NRXN1: variants seen among roughly 807,000 people sequenced by gnomAD.
The protein encoded by NRXN1 is neurexin 1.
NRXN1 carries 39 observed loss-of-function variants against 150.9 expected under a neutral mutation model. That is an observed-to-expected ratio of 0.26 (90% CI 0.20 to 0.34). The LOEUF is 0.34. Ranked by LOEUF, NRXN1 falls within the 10% of genes least tolerant of loss-of-function variation. The pLI is 1.00. For missense variants in NRXN1, 1,815 were observed against 1,949.9 expected (o/e 0.93, Z 1.30); for synonymous variants, 924 against 757.0 (o/e 1.22, Z -3.62).
intron 8 of NRXN1, among the ~76,000 whole-genome samples, chr2:50,613,710 G>A (rs1678563359): frequency 6.6e-6 from 1 of 152,186 alleles, no homozygotes; most frequent in Non-Finnish European, 1.5e-5. Flanking sequence ...AGGCCCAGGT[G>A]GGTGGATCAC....
intron 17 of NRXN1, among the ~76,000 whole-genome samples, chr2:50,372,456 C>A (rs1041299939): frequency 1.3e-5 from 2 of 152,016 alleles, no homozygotes; most frequent in African/African-American, 2.4e-5. Context: ...CTTTAATAGT[C>A]ATGAGGTTCA....
intron 5 of NRXN1, among the ~76,000 whole-genome samples, chr2:50,665,474 G>C (rs1335146666): frequency 6.6e-6 from 1 of 151,470 alleles, no homozygotes; most frequent in Admixed American, 6.6e-5. Context: ...ATAATCTGCC[G>C]AATCAAATAA....
chr2:50,435,316 C>CA lies in NRXN1; in HGVS notation c.3364+30125dup, dbSNP rs1232721688. Among the ~76,000 whole-genome samples the CA allele has an allele frequency of 6.6e-5, 10 of 152,210 alleles. 1 individual carries two copies. The highest frequency in any genetic ancestry group is 2.4e-4 in the African/African-American group (10 of 41,544). ...TTCATTTATAATGAATAAATGTAAA[C>CA]ATGTATGTGAATACATTATGCAAAC... On this transcript the variant is annotated intron_variant, in intron 17 of 22. Coordinates refer to ENST00000401669, the MANE Select transcript of NRXN1 (RefSeq NM_001330078.2).
At position 50,662,429 on chromosome 2, in the gene NRXN1, C is replaced by T. The variant is rs529759075; in HGVS notation, c.833-38814G>A. Among the ~76,000 whole-genome samples the T allele has an allele frequency of 2.0e-5, 3 of 152,100 alleles. No homozygotes were observed. The South Asian group carries it at 6.2e-4, about 32-fold the overall frequency. Reference sequence around the variant, plus strand: ...ATGATGGTATTGTCCAAAAACAATTCCTACAAAACCTATTTCTTCTCTAAT... The same window carrying T: ...ATGATGGTATTGTCCAAAAACAATTTCTACAAAACCTATTTCTTCTCTAAT... On this transcript the variant is annotated intron_variant, in intron 5 of 22. Coordinates refer to ENST00000401669, the MANE Select transcript of NRXN1 (RefSeq NM_001330078.2).
At chr2:50,068,483 C>A (rs1447253316) in intron 19 of NRXN1, among the ~76,000 whole-genome samples, 4 of 151,976 alleles carry the variant, frequency 2.6e-5, no homozygotes, top group East Asian at 1.9e-4. Flanking sequence ...GAAAGAGAAC[C>A]CTTGATGGTT....
chr2:50,933,114 G>C (rs940767088), intron 2 of NRXN1, among the ~76,000 whole-genome samples: 3 of 151,956 alleles, frequency 2.0e-5, no homozygotes, highest in Non-Finnish European at 4.4e-5. Context: ...TTAGGTCCAG[G>C]TTTATAAATG....
At chr2:50,441,922 GAT>G (rs1296237032) in intron 17 of NRXN1, among the ~76,000 whole-genome samples, 1 of 152,174 alleles carries the variant, frequency 6.6e-6, no homozygotes, top group African/African-American at 2.4e-5. Flanking sequence ...ATCATGGGAT[GAT>G]ATGATAAACC....
intron 17 of NRXN1, among the ~76,000 whole-genome samples, chr2:50,413,903 T>C (rs533779977): frequency 1.3e-5 from 2 of 152,120 alleles, no homozygotes; most frequent in South Asian, 4.2e-4. Flanking sequence ...CTGGGCATTA[T>C]TATGTTAAGT....
intron 21 of NRXN1, among the ~76,000 whole-genome samples, chr2:49,987,248 A>C (rs1169822120): frequency 6.6e-6 from 1 of 152,074 alleles, no homozygotes; most frequent in Non-Finnish European, 1.5e-5. Flanking sequence ...TAGCTCCCAC[A>C]TATGAGTGAG....
chr2:49,942,417 C>T (rs1371635332), intron 22 of NRXN1, among the ~76,000 whole-genome samples: 4 of 152,014 alleles, frequency 2.6e-5, no homozygotes, highest in African/African-American at 7.2e-5. Flanking sequence ...ACATACATCC[C>T]GATTTGCTCT....
intron 19 of NRXN1, among the ~76,000 whole-genome samples, chr2:50,066,196 T>C (rs918060360): frequency 1.3e-5 from 2 of 152,182 alleles, no homozygotes; most frequent in Admixed American, 6.5e-5. Context: ...AGTCAATATA[T>C]AAGCAGTGCC....
chr2:50,138,965 C>A (rs1345050176), intron 18 of NRXN1, among the ~76,000 whole-genome samples: 1 of 152,134 alleles, frequency 6.6e-6, no homozygotes. Flanking sequence ...TTGAGAGGTG[C>A]AGATAAAAGG....
At chr2:50,990,959 G>C (rs1275790390) in intron 2 of NRXN1, among the ~76,000 whole-genome samples, 1 of 152,028 alleles carries the variant, frequency 6.6e-6, no homozygotes, top group Non-Finnish European at 1.5e-5. Flanking sequence ...CTGGGCCTAT[G>C]TTCTGGATCT....
In NRXN1 at chr2:50,614,315, C is replaced by T. The variant is rs1239543948; in HGVS notation, c.1320+5707G>A. Among the ~76,000 whole-genome samples, 9 of 152,132 alleles carry T rather than the reference C, an allele frequency of 5.9e-5. No individual in the cohort carries two copies. In the East Asian group the frequency reaches 1.7e-3, roughly 29 times the overall value. ...CATCTGGCATGATTTCCAGACATCA[C>T]TGAAGATCTCTTTTTCCTCCAAGTT... On this transcript the variant is annotated intron_variant, in intron 8 of 22. Coordinates refer to ENST00000401669, the MANE Select transcript of NRXN1 (RefSeq NM_001330078.2).
At chr2:50,240,430 T>C (rs1199972416) in intron 17 of NRXN1, among the ~76,000 whole-genome samples, 3 of 151,748 alleles carry the variant, frequency 2.0e-5, no homozygotes, top group Non-Finnish European at 4.4e-5. Flanking sequence ...CTGGATTTTT[T>C]TTAAAAAATT....
At chr2:50,408,433 A>G (rs1259719277) in intron 17 of NRXN1, among the ~76,000 whole-genome samples, 1 of 152,206 alleles carries the variant, frequency 6.6e-6, no homozygotes, top group African/African-American at 2.4e-5. Context: ...TGTTTTCCCA[A>G]GGCTGCATGA....
chr2:50,899,607 A>C (rs1259213577), intron 5 of NRXN1, among the ~76,000 whole-genome samples: 1 of 152,196 alleles, frequency 6.6e-6, no homozygotes, highest in Non-Finnish European at 1.5e-5. Flanking sequence ...AGATTATGTC[A>C]AAGCCTTCCT....
At chr2:50,103,629 C>G (rs1321730118) in intron 18 of NRXN1, among the ~76,000 whole-genome samples, 1 of 151,928 alleles carries the variant, frequency 6.6e-6, no homozygotes. Context: ...ATCGTGAAGC[C>G]AAAAACACGC....
chr2:50,296,949 C>A (rs2073655880), intron 17 of NRXN1, among the ~76,000 whole-genome samples: 1 of 147,470 alleles, frequency 6.8e-6, no homozygotes, highest in Non-Finnish European at 1.5e-5. Flanking sequence ...GTGGCACAAC[C>A]CTGGCTCACT....
Sources: allele counts gnomAD v4.1 joint callset (sites outside exome capture counted in the v4.1 genomes callset), GRCh38; gene constraint gnomAD v4.1.1; transcripts MANE v1.5; gene names NCBI Gene and HGNC (gene_info 2026-07-23, HGNC 2026-07-21).